Variants in AKR1D1 observed in about 807,000 individuals in gnomAD.
AKR1D1 encodes the protein delta(4)-3-ketosteroid 5-beta-reductase.
A neutral mutation model predicts 42.6 loss-of-function variants in AKR1D1; 32 were observed. The ratio of observed to expected loss-of-function variants is 0.75; its 90% CI spans 0.57 to 1.01. The LOEUF (loss-of-function observed/expected upper bound fraction) is 1.01, where lower values mean the gene tolerates loss of function less well. Among genes scored for constraint, AKR1D1 ranks in the 50% least tolerant of loss-of-function variants. The probability of loss-of-function intolerance (pLI) is 0.00; values close to 1 mark genes in which losing one functional copy is unlikely to be tolerated. For synonymous variants in AKR1D1, 123 were observed against 135.5 expected (o/e 0.91, Z 0.64); for missense variants, 364 against 402.2 (o/e 0.91, Z 0.81).
intron 3 of AKR1D1, among the ~76,000 whole-genome samples, chr7:138,092,468 G>A (rs1794103057): frequency 6.6e-6 from 1 of 152,230 alleles, no homozygotes; most frequent in Non-Finnish European, 1.5e-5. Context: ...TGAGAAATGT[G>A]TCATGAGGTG....
In AKR1D1 at chr7:138,114,659, TCA is replaced by T. The variant is rs1491191873; in HGVS notation, c.938+888_938+889del. ...TGGGCAACAAGAGCAAAACTCCATC[TCA>T]AAAAAAAAAAAAAAAAAAGAATATA... On this transcript the variant is annotated intron_variant, in intron 8 of 8. Transcript: ENST00000242375. 6.4e-3 allele frequency among the ~76,000 whole-genome samples: 309 copies of T among 48,630 alleles called. 5 individuals are homozygous for T. The highest frequency in any genetic ancestry group is 0.02 in the African/African-American group (295 of 15,040). 31.9% of individuals were successfully genotyped at this position (48,630 alleles called of 152,430 possible). A position where few individuals can be genotyped will look rare whatever the true frequency, so the allele number is the denominator to read the frequency against.
At chr7:138,086,904 G>A (rs760309484) in intron 1 of AKR1D1, among the ~76,000 whole-genome samples, 1 of 152,192 alleles carries the variant, frequency 6.6e-6, no homozygotes, top group Non-Finnish European at 1.5e-5. Flanking sequence ...CTAGATGTTT[G>A]TCTTCAGAGA....
Position 138,097,913 on chromosome 7 carries a change from T to C in AKR1D1, c.426T>C (p.Tyr142=), listed in dbSNP as rs1794215452. Residue 142 remains tyrosine, a synonymous_variant, in exon 4 of 9, where the codon TAT becomes TAC. Coordinates refer to ENST00000242375, the MANE Select transcript of AKR1D1 (RefSeq NM_005989.4). The stretch of plus-strand genomic sequence containing the variant: ...GAGATGAGAATGGCAAATGGTTATA[T>C]CACAAGTCAAATCTGTGTGCCACTT... ...YPRDENGKWL[Y]HKSNLCATWE... 2 of 1,612,352 alleles carry C rather than the reference T, an allele frequency of 1.2e-6. No individual in the cohort carries two copies. The highest frequency in any genetic ancestry group is 1.3e-5 in the African/African-American group (1 of 74,718).
chr7:138,088,838 T>C, intron 2 of AKR1D1, 70 bp downstream of exon 2: 1 of 1,440,950 alleles, frequency 6.9e-7, no homozygotes, highest in Non-Finnish European at 9.2e-7. Context: ...ATTATTCATC[T>C]TCCGTGTGTG....
chr7:138,114,395 G>A (rs535119653), intron 8 of AKR1D1, among the ~76,000 whole-genome samples: 116 of 152,238 alleles, frequency 7.6e-4, no homozygotes, highest in African/African-American at 2.6e-3. Context: ...TTGGCCAGGC[G>A]TGGTGGCTCA....
At chr7:138,083,310 A>G (rs1803096617) in intron 1 of AKR1D1, among the ~76,000 whole-genome samples, 1 of 152,164 alleles carries the variant, frequency 6.6e-6, no homozygotes, top group East Asian at 1.9e-4. Flanking sequence ...ATTGATATTT[A>G]TATACCTATT....
At chr7:138,116,527 A>T in intron 8 of AKR1D1, 93 bp from the exon 9 acceptor site, 1 of 1,296,212 alleles carries the variant, frequency 7.7e-7, no homozygotes, top group Non-Finnish European at 1.1e-6. Context: ...AGAGAGGGGT[A>T]GTGGTCAGTG....
At chr7:138,078,897 C>T (rs1400808619) in intron 1 of AKR1D1, among the ~76,000 whole-genome samples, 2 of 152,214 alleles carry the variant, frequency 1.3e-5, no homozygotes, top group African/African-American at 4.8e-5. Context: ...AAGCCTAAAA[C>T]ACCCACTACA....
At position 138,117,491 on chromosome 7, in the gene AKR1D1, TTTC is replaced by T. The variant is rs1453981959; in HGVS notation, c.*835_*837del. 3 of 152,366 alleles carry T rather than the reference TTTC, an allele frequency of 2.0e-5. No individual in the cohort carries two copies. Among genetic ancestry groups the T allele is most frequent in the African/African-American group, 4.8e-5 (2 of 41,462 alleles). 9.4% of individuals were successfully genotyped at this position (152,366 alleles called of 1,614,324 possible). The stretch of plus-strand genomic sequence containing the variant: ...GTAAAAGAGAAGCCATATATTGGCT[TTTC>T]TTCTTAACTTGGGAGATATATTGAA... On this transcript the variant is annotated 3_prime_UTR_variant, in exon 9 of 9. Coordinates refer to ENST00000242375, the MANE Select transcript of AKR1D1 (RefSeq NM_005989.4).
chr7:138,080,418 T>C (rs896889349), intron 1 of AKR1D1, among the ~76,000 whole-genome samples: 1 of 152,184 alleles, frequency 6.6e-6, no homozygotes, highest in African/African-American at 2.4e-5. Context: ...TGCAATGCAC[T>C]TGTTGGCTGC....
intron 1 of AKR1D1, among the ~76,000 whole-genome samples, chr7:138,081,089 G>A (rs551594027): frequency 2.6e-5 from 4 of 152,262 alleles, no homozygotes; most frequent in East Asian, 1.9e-4. Context: ...TAGATCATCC[G>A]TGGATTTCCA....
At chr7:138,081,992 CTAA>C (rs1562929832) in intron 1 of AKR1D1, among the ~76,000 whole-genome samples, 1 of 152,168 alleles carries the variant, frequency 6.6e-6, no homozygotes, top group African/African-American at 2.4e-5. Context: ...CTTGGAACAA[CTAA>C]TTATTGGTCT....
chr7:138,090,636 CAAAAAAAA>C (rs201055784), intron 2 of AKR1D1, among the ~76,000 whole-genome samples: 3 of 91,490 alleles, frequency 3.3e-5, no homozygotes, highest in Non-Finnish European at 7.2e-5. Flanking sequence ...GACCCCGTCT[CAAAAAAAA>C]AAAAAAAAGA....
chr7:138,088,419 G>A (rs529633018), intron 1 of AKR1D1, among the ~76,000 whole-genome samples, 182 bp from the exon 2 acceptor site: 20 of 152,272 alleles, frequency 1.3e-4, no homozygotes, highest in East Asian at 5.8e-4. Context: ...CTGAGGGAGC[G>A]GAGGCCCCTG....
chr7:138,078,201 A>T (rs1368640117), intron 1 of AKR1D1, among the ~76,000 whole-genome samples: 1 of 152,144 alleles, frequency 6.6e-6, no homozygotes, highest in East Asian at 1.9e-4. Flanking sequence ...GGTTCAAGCG[A>T]TCCGCCCGCC....
At chr7:138,104,325 G>A (rs193228389) in intron 4 of AKR1D1, among the ~76,000 whole-genome samples, 1 of 152,160 alleles carries the variant, frequency 6.6e-6, no homozygotes, top group East Asian at 1.9e-4. Flanking sequence ...ATACATATAT[G>A]TATGAGAGAG....
At chr7:138,094,670 C>T (rs1405881678) in intron 3 of AKR1D1, among the ~76,000 whole-genome samples, 2 of 152,108 alleles carry the variant, frequency 1.3e-5, no homozygotes, top group Non-Finnish European at 2.9e-5. Flanking sequence ...TGTGTGCCAC[C>T]ACACTCACCT....
chr7:138,082,227 G>T (rs1196458794), intron 1 of AKR1D1, among the ~76,000 whole-genome samples: 2 of 152,146 alleles, frequency 1.3e-5, no homozygotes, highest in African/African-American at 4.8e-5. Flanking sequence ...TATCTTATCA[G>T]ATTTTTGTTT....
intron 3 of AKR1D1, among the ~76,000 whole-genome samples, chr7:138,095,930 G>C: frequency 6.6e-6 from 1 of 151,996 alleles, no homozygotes; most frequent in East Asian, 1.9e-4. Context: ...GCCTGGTGCA[G>C]TGGCTCACAC....
Sources: allele counts gnomAD v4.1 joint callset (sites outside exome capture counted in the v4.1 genomes callset), GRCh38; gene constraint gnomAD v4.1.1; transcripts MANE v1.5; gene names NCBI Gene and HGNC (gene_info 2026-07-23, HGNC 2026-07-21).